The following LRP1 variants were observed in gnomAD, a reference collection of about 807,000 sequenced individuals.
The protein encoded by LRP1 is prolow-density lipoprotein receptor-related protein 1.
In LRP1, 51 loss-of-function variants were observed where a neutral mutation model predicts 541.5. The ratio of observed to expected loss-of-function variants is 0.09; its 90% CI spans 0.08 to 0.12. LRP1 has a LOEUF of 0.12. Ranked by LOEUF, LRP1 falls within the 10% of genes least tolerant of loss-of-function variation. The pLI is 1.00. For missense variants in LRP1, 3,878 were observed against 6,376.2 expected (o/e 0.61, Z 13.34); for synonymous variants, 2,219 against 2,470.8 (o/e 0.90, Z 3.02).
intron 23 of LRP1, 43 bp downstream of exon 23, chr12:57,175,748 C>A: frequency 1.3e-6 from 2 of 1,550,898 alleles, no homozygotes; most frequent in Non-Finnish European, 1.7e-6. Context: ...CGAGGCAGGC[C>A]TCTGAGCTGC....
intron 42 of LRP1, 95 bp downstream of exon 42, chr12:57,187,551 G>A: frequency 1.6e-6 from 2 of 1,278,780 alleles, no homozygotes; most frequent in Non-Finnish European, 2.1e-6. Flanking sequence ...TGCAGGAGAG[G>A]CAGGCCCTCA....
rs188061808 is a variant in LRP1 at position 57,170,834 on chromosome 12, A to G, written c.3163+1527A>G. ...TTGTCTCAAAAGAAAAAAAAAGTTT[A>G]AAAAAAACTACAGACCAAACTCTTC... is the stretch of plus-strand genomic sequence containing the variant. On this transcript the variant is annotated intron_variant, in intron 20 of 88. Coordinates refer to ENST00000243077, the MANE Select transcript of LRP1 (RefSeq NM_002332.3). 5.3e-5 allele frequency among the ~76,000 whole-genome samples: 8 copies of G among 151,966 alleles called. No homozygotes were observed. In the East Asian group the frequency reaches 1.3e-3, roughly 26 times the overall value.
rs483353013 is a variant in LRP1 at position 57,175,646 on chromosome 12, A to C, written c.3734A>C (p.Lys1245Thr). 1.9e-6 allele frequency: 3 copies of C among 1,605,396 alleles called. No individual in the cohort carries two copies. Among genetic ancestry groups the C allele is most frequent in the Non-Finnish European group, 1.7e-6 (2 of 1,174,556 alleles). ...TGCGACCAGAACAAGTTCAGCGTGA[A>C]GTGCTCCTGCTACGAGGGCTGGGTC... ...QKCDQNKFSV[K>T]CSCYEGWVLE... is the part of the protein sequence containing the mutation. The change falls in exon 23 of 89, where the codon AAG becomes ACG. Residue 1245 changes from lysine (K) to threonine (T), a missense_variant. Physicochemically the swap from Lys to Thr is moderately conservative, Grantham distance 78 (BLOSUM62 -1). Coordinates refer to ENST00000243077, the MANE Select transcript of LRP1 (RefSeq NM_002332.3).
chr12:57,151,852 C>A (rs1253091985), intron 6 of LRP1, among the ~76,000 whole-genome samples: 1 of 152,126 alleles, frequency 6.6e-6, no homozygotes. Context: ...GGAATCTGAA[C>A]TTTAGGAGAG....
At position 57,189,445 on chromosome 12, in the gene LRP1, C is replaced by T. The variant is rs1181968635; in HGVS notation, c.7032-1360C>T. ...CCCGATTCCAGAGCCACCGCAAACC[C>T]CTGCTCTCCTCCAGGATGAGGCCCT... On this transcript the variant is annotated intron_variant, in intron 42 of 88. Coordinates refer to ENST00000243077, the MANE Select transcript of LRP1 (RefSeq NM_002332.3). The surrounding 1 kb of genome is among the most constrained non-coding windows in gnomAD (Gnocchi z 4.4). Among the ~76,000 whole-genome samples the T allele has an allele frequency of 6.6e-6, 1 of 152,200 alleles. No individual in the cohort carries two copies. The highest frequency in any genetic ancestry group is 1.5e-5 in the Non-Finnish European group (1 of 68,032).
intron 1 of LRP1, among the ~76,000 whole-genome samples, chr12:57,135,715 C>G (rs1365347641): frequency 6.6e-6 from 1 of 152,204 alleles, no homozygotes; most frequent in Non-Finnish European, 1.5e-5. Flanking sequence ...TTCACTTGTC[C>G]CATCCCCCAT....
chr12:57,156,806 T>C lies in LRP1; in HGVS notation c.1447T>C (p.Tyr483His). 1 of 1,609,956 alleles carries C rather than the reference T, an allele frequency of 6.2e-7. No homozygotes were observed. Among genetic ancestry groups the C allele is most frequent in the Non-Finnish European group, 8.5e-7 (1 of 1,178,216 alleles). ...GAGCCATGCCTGTGAAAACGACCAG[T>C]ATGGGAAGCCGGGTGGCTGCTCTGA... ...VRSHACENDQ[Y>H]GKPGGCSDIC... Residue 483 changes from tyrosine to histidine, a missense_variant, in exon 10 of 89, where the codon TAT becomes CAT. This residue lies in a region of LRP1 where 496 missense variants were observed against 861.0 expected (regional missense o/e 0.58). Coordinates refer to ENST00000243077, the MANE Select transcript of LRP1 (RefSeq NM_002332.3). This position sits in a 1 kb window ranked among gnomAD's most constrained non-coding sequence, Gnocchi z 5.2.
intron 6 of LRP1, among the ~76,000 whole-genome samples, chr12:57,151,962 C>T (rs1042701427): frequency 2.2e-4 from 33 of 152,242 alleles, no homozygotes; most frequent in Middle Eastern, 3.4e-3. Context: ...CCAGGCAGGC[C>T]GAGGACTCCA....
intron 1 of LRP1, among the ~76,000 whole-genome samples, chr12:57,133,050 T>C: frequency 6.6e-6 from 1 of 152,142 alleles, no homozygotes. Context: ...CTTTGTGGGC[T>C]AAGAGGGAGA....
At chr12:57,133,214 G>C (rs568550175) in intron 1 of LRP1, among the ~76,000 whole-genome samples, 54 of 152,106 alleles carry the variant, frequency 3.6e-4, no homozygotes, top group African/African-American at 1.2e-3. Flanking sequence ...GGCTGGGGTG[G>C]GGGGAGAAGG....
intron 2 of LRP1, among the ~76,000 whole-genome samples, chr12:57,139,328 C>A (rs907215318): frequency 6.6e-6 from 1 of 152,142 alleles, no homozygotes; most frequent in Non-Finnish European, 1.5e-5. Context: ...TCCCCACACC[C>A]CCACCCGTAA....
intron 1 of LRP1, chr12:57,129,242 G>T: frequency 1.7e-6 from 1 of 580,264 alleles, no homozygotes; most frequent in Non-Finnish European, 3.1e-6. Flanking sequence ...GGGCCCCCCA[G>T]CACAAACAAA....
chr12:57,179,690 C>G lies in LRP1; in HGVS notation c.4967-92C>G. On this transcript the variant is annotated intron_variant, in intron 29 of 88. Transcript: ENST00000243077. This position sits in a 1 kb window ranked among gnomAD's most constrained non-coding sequence, Gnocchi z 6.8. ...CCCCTCAGTGCTCCAGCCTGGTTTC[C>G]TGATCCCTTTTCTCCAGAAGGCACA... The G allele has an allele frequency of 6.9e-7, 1 of 1,439,850 alleles. No individual in the cohort carries two copies. Among genetic ancestry groups the G allele is most frequent in the Non-Finnish European group, 9.6e-7 (1 of 1,038,416 alleles). 89.2% of individuals were successfully genotyped at this position (1,439,850 alleles called of 1,614,324 possible).
In LRP1 at chr12:57,175,989, C is replaced by T; in HGVS notation, c.3874C>T (p.Leu1292=). ...TCTTCACAAAGGAGACTACAGCGTCCTGGTGCCCGGCCTGCGCAACACCAT... is the reference window on the plus strand; with the variant it reads ...TCTTCACAAAGGAGACTACAGCGTCTTGGTGCCCGGCCTGCGCAACACCAT... ...IDLHKGDYSV[L]VPGLRNTIAL... Residue 1292 remains leucine, a synonymous_variant, in exon 24 of 89, where the codon CTG becomes TTG. Transcript: ENST00000243077. 1 of 1,614,252 alleles carries T rather than the reference C, an allele frequency of 6.2e-7. No homozygotes were observed. Among genetic ancestry groups the T allele is most frequent in the Non-Finnish European group, 8.5e-7 (1 of 1,180,046 alleles).
chr12:57,200,859 C>G (rs1011065034), intron 64 of LRP1, 44 bp downstream of exon 64: 1 of 1,285,670 alleles, frequency 7.8e-7, no homozygotes, highest in South Asian at 1.2e-5. Flanking sequence ...CCAGCATCTT[C>G]CCTGCCCCAG....
chr12:57,146,908 T>C (rs1235638592), intron 6 of LRP1, among the ~76,000 whole-genome samples: 2 of 152,040 alleles, frequency 1.3e-5, no homozygotes, highest in Non-Finnish European at 2.9e-5. Context: ...AACAGGCCTG[T>C]CTGGGCAGAC....
chr12:57,135,797 T>A (rs1231130020), intron 1 of LRP1, among the ~76,000 whole-genome samples: 1 of 152,084 alleles, frequency 6.6e-6, no homozygotes, highest in Non-Finnish European at 1.5e-5. Context: ...CCAGCTGCTG[T>A]TTCCTCTGTG....
chr12:57,152,913 AC>A (rs2035552182), intron 6 of LRP1, among the ~76,000 whole-genome samples: 1 of 151,658 alleles, frequency 6.6e-6, no homozygotes, highest in Non-Finnish European at 1.5e-5. Context: ...CCCCACCCTC[AC>A]CCACTGTTAG....
chr12:57,145,553 C>G (rs1164813039), intron 6 of LRP1, 63 bp downstream of exon 6: 2 of 1,573,846 alleles, frequency 1.3e-6, no homozygotes, highest in Admixed American at 1.7e-5. Flanking sequence ...AAGGTGGACC[C>G]TATCTTGAAC....
Sources: allele counts gnomAD v4.1 joint callset (sites outside exome capture counted in the v4.1 genomes callset), GRCh38; gene constraint gnomAD v4.1.1; regional missense constraint gnomAD v4.1.1; non-coding constraint Gnocchi (gnomAD v3.1); transcripts MANE v1.5; gene names NCBI Gene and HGNC (gene_info 2026-07-23, HGNC 2026-07-21).